SMAD2: variants seen among roughly 807,000 people sequenced by gnomAD.
SMAD2 encodes the protein SMAD family member 2, also known as MAD homolog 2.
SMAD2 carries 8 observed loss-of-function variants against 64.4 expected under a neutral mutation model. The observed-to-expected ratio is 0.12, with a 90% CI of 0.07 to 0.22. The LOEUF (loss-of-function observed/expected upper bound fraction) is 0.22. SMAD2 is among the 10% of genes least tolerant of loss of function. SMAD2 has a pLI of 1.00. For missense variants in SMAD2, 289 were observed against 561.2 expected (o/e 0.51, Z 4.90); for synonymous variants, 203 against 195.8 (o/e 1.04, Z -0.31).
chr18:47,845,061 T>C, intron 10 of SMAD2: 2 of 586,960 alleles, frequency 3.4e-6, no homozygotes, highest in Non-Finnish European at 6.0e-6. Context: ...TCTCCTTCCA[T>C]AAACTGACAT....
chr18:47,853,882 TAAAC>T (rs760775452), intron 6 of SMAD2, among the ~76,000 whole-genome samples: 8 of 152,136 alleles, frequency 5.3e-5, no homozygotes, highest in East Asian at 1.9e-4. Context: ...CAACATAAAA[TAAAC>T]AAAGCCACTA....
intron 1 of SMAD2, among the ~76,000 whole-genome samples, chr18:47,911,784 G>C (rs147790929): frequency 3.9e-5 from 6 of 152,138 alleles, no homozygotes; most frequent in African/African-American, 7.2e-5. Context: ...CCTATAATAC[G>C]ACACATAAAT....
chr18:47,879,778 G>C (rs980073098), intron 2 of SMAD2, among the ~76,000 whole-genome samples: 1 of 152,018 alleles, frequency 6.6e-6, no homozygotes, highest in African/African-American at 2.4e-5. Context: ...TCCAGAGTAC[G>C]ATTTTACAGT....
chr18:47,878,792 CA>C (rs2032415164), intron 2 of SMAD2, among the ~76,000 whole-genome samples: 1 of 152,164 alleles, frequency 6.6e-6, no homozygotes, highest in Admixed American at 6.5e-5. Flanking sequence ...TTCAAACATC[CA>C]TTAAAGTTAC....
At position 47,828,897 on chromosome 18, in the gene SMAD2, C is replaced by T. The variant is rs2144248711; in HGVS notation, c.*12930G>A. 6.8e-6 allele frequency: 1 copy of T among 147,196 alleles called. No homozygotes were observed. Among genetic ancestry groups the T allele is most frequent in the South Asian group, 2.3e-4 (1 of 4,404 alleles). 9.1% of individuals were successfully genotyped at this position (147,196 alleles called of 1,614,324 possible). ...ATTGTCCTATGACCCTGCCACATCC[C>T]CCTCTCCGAGAAACACCCAAGAATG... On this transcript the variant is annotated 3_prime_UTR_variant, in exon 11 of 11. Coordinates refer to ENST00000262160, the MANE Select transcript of SMAD2 (RefSeq NM_005901.6).
At chr18:47,850,286 ATT>A (rs1915073729) in intron 7 of SMAD2, among the ~76,000 whole-genome samples, 1 of 52,976 alleles carries the variant, frequency 1.9e-5, no homozygotes, top group Non-Finnish European at 3.1e-5. Flanking sequence ...TATTATATAT[ATT>A]ATGTATAATA....
intron 1 of SMAD2, among the ~76,000 whole-genome samples, chr18:47,914,273 G>A (rs7228393): frequency 0.55 from 82,837 of 151,916 alleles, 22,998 homozygotes; most frequent in East Asian, 0.82. Context: ...ACACAAAGCT[G>A]TATTTTAATT....
chr18:47,927,407 T>C (rs2144558626), intron 1 of SMAD2, among the ~76,000 whole-genome samples: 1 of 152,332 alleles, frequency 6.6e-6, no homozygotes, highest in East Asian at 1.9e-4. Flanking sequence ...GTAATGCATG[T>C]GCCCTTGATT....
At chr18:47,915,849 A>G (rs1327624611) in intron 1 of SMAD2, among the ~76,000 whole-genome samples, 1 of 152,156 alleles carries the variant, frequency 6.6e-6, no homozygotes, top group Non-Finnish European at 1.5e-5. Context: ...ACTGACTTCT[A>G]TTACTATTAA....
intron 1 of SMAD2, among the ~76,000 whole-genome samples, chr18:47,914,193 C>T (rs1466525743): frequency 6.6e-6 from 1 of 152,160 alleles, no homozygotes; most frequent in African/African-American, 2.4e-5. Context: ...AACCCTATCA[C>T]TGAGTATGTA....
intron 1 of SMAD2, among the ~76,000 whole-genome samples, chr18:47,914,391 G>A (rs1049637670): frequency 2.6e-5 from 4 of 152,134 alleles, no homozygotes; most frequent in African/African-American, 9.7e-5. Flanking sequence ...CAGTAAGCAA[G>A]AATTCCGAAT....
At chr18:47,908,469 T>C (rs2033992922) in intron 1 of SMAD2, among the ~76,000 whole-genome samples, 1 of 151,792 alleles carries the variant, frequency 6.6e-6, no homozygotes, top group Non-Finnish European at 1.5e-5. Context: ...CTAGAAACAC[T>C]GAAAAAAACT....
At chr18:47,863,304 C>T (rs1041208712) in intron 6 of SMAD2, among the ~76,000 whole-genome samples, 13 of 107,570 alleles carry the variant, frequency 1.2e-4, no homozygotes, top group African/African-American at 4.5e-4. Flanking sequence ...ATTCCCATTG[C>T]CATACAGTAA....
At chr18:47,891,465 A>C (rs1374361574) in intron 2 of SMAD2, among the ~76,000 whole-genome samples, 1 of 152,104 alleles carries the variant, frequency 6.6e-6, no homozygotes, top group African/African-American at 2.4e-5. Context: ...TCCACCGTAT[A>C]ATCATGGTTG....
intron 1 of SMAD2, among the ~76,000 whole-genome samples, chr18:47,924,016 A>T (rs1014228990): frequency 2.6e-5 from 4 of 152,188 alleles, no homozygotes; most frequent in African/African-American, 9.7e-5. Context: ...TGGGAGGCCA[A>T]GGTGGGCGAA....
rs1912294359 is a variant in SMAD2 at position 47,814,122 on chromosome 18, G to A, written c.*27705C>T. 6.6e-6 allele frequency: 1 copy of A among 152,158 alleles called. No homozygotes were observed. The highest frequency in any genetic ancestry group is 2.4e-5 in the African/African-American group (1 of 41,436). 9.4% of individuals were successfully genotyped at this position (152,158 alleles called of 1,614,324 possible). A position where few individuals can be genotyped will look rare whatever the true frequency, so the allele number is the denominator to read the frequency against. ...ACTGAAGCAAGAGAGTCTGGGGCAA[G>A]AATGTCTCTATTGGGTCAAGACTTT... On this transcript the variant is annotated 3_prime_UTR_variant, in exon 11 of 11. Transcript: ENST00000262160.
Position 47,823,144 on chromosome 18 carries a change from G to T in SMAD2, c.*18683C>A, listed in dbSNP as rs184386335. On this transcript the variant is annotated 3_prime_UTR_variant, in exon 11 of 11. Coordinates refer to ENST00000262160, the MANE Select transcript of SMAD2 (RefSeq NM_005901.6). The stretch of plus-strand genomic sequence containing the variant: ...ATGTGTAGAATGCCTGGCTTCAATG[G>T]TTCTCAGCATTACACTGAATTAAAA... The T allele has an allele frequency of 6.6e-6, 1 of 152,122 alleles. No individual in the cohort carries two copies. The highest frequency in any genetic ancestry group is 2.4e-5 in the African/African-American group (1 of 41,430). The allele number at this position is 152,122 out of a possible 1,614,324, so 9.4% of individuals were successfully genotyped here.
intron 2 of SMAD2, among the ~76,000 whole-genome samples, chr18:47,876,734 A>T (rs192232580): frequency 6.6e-6 from 1 of 152,214 alleles, no homozygotes; most frequent in East Asian, 1.9e-4. Flanking sequence ...GATTTTCTTC[A>T]TCTAAGAATA....
In SMAD2 at chr18:47,838,278, A is replaced by T. The variant is rs1913624236; in HGVS notation, c.*3549T>A. 4.3e-6 allele frequency: 1 copy of T among 233,274 alleles called. No homozygotes were observed. Among genetic ancestry groups the T allele is most frequent in the African/African-American group, 2.2e-5 (1 of 45,466 alleles). 14.5% of individuals were successfully genotyped at this position (233,274 alleles called of 1,614,324 possible). ...CAATGTGGCTTAAGGTAAAAAATACAACTAGGTATTAAACAATTTGTAAAA... is the reference window on the plus strand; with the variant it reads ...CAATGTGGCTTAAGGTAAAAAATACTACTAGGTATTAAACAATTTGTAAAA... On this transcript the variant is annotated 3_prime_UTR_variant, in exon 11 of 11. Coordinates refer to ENST00000262160, the MANE Select transcript of SMAD2 (RefSeq NM_005901.6).
Sources: gnomAD v4.1 joint callset for allele counts (sites outside exome capture counted in the v4.1 genomes callset) on GRCh38, gnomAD v4.1.1 for gene constraint, MANE v1.5 for transcripts, NCBI Gene and HGNC (gene_info 2026-07-23, HGNC 2026-07-21) for gene names.